Variants in ADAMTS12 observed in about 807,000 individuals in gnomAD.
ADAMTS12 encodes A disintegrin and metalloproteinase with thrombospondin motifs 12.
ADAMTS12 carries 118 observed loss-of-function variants against 167.8 expected under a neutral mutation model. That is an observed-to-expected ratio of 0.70 (90% CI 0.61 to 0.82). ADAMTS12 has a LOEUF of 0.82. ADAMTS12 is among the 40% of genes least tolerant of loss of function. The pLI, the probability that ADAMTS12 is intolerant of heterozygous loss-of-function variation, is 0.00. For synonymous variants in ADAMTS12, 704 were observed against 716.9 expected (o/e 0.98, Z 0.29); for missense variants, 1,916 against 1,998.8 (o/e 0.96, Z 0.79).
At chr5:33,654,701 C>G (rs143948680) in intron 7 of ADAMTS12, among the ~76,000 whole-genome samples, 83 of 152,276 alleles carry the variant, frequency 5.5e-4, no homozygotes, top group African/African-American at 1.9e-3. Flanking sequence ...CACACAGATG[C>G]AAGTCTAGGC....
chr5:33,834,738 G>A (rs1748441153), intron 2 of ADAMTS12, among the ~76,000 whole-genome samples: 1 of 152,220 alleles, frequency 6.6e-6, no homozygotes, highest in Non-Finnish European at 1.5e-5. Flanking sequence ...GATGTCCCTA[G>A]TTTCCTGGAG....
At chr5:33,612,641 G>T (rs1365940688) in intron 16 of ADAMTS12, among the ~76,000 whole-genome samples, 11 of 152,160 alleles carry the variant, frequency 7.2e-5, no homozygotes, top group Admixed American at 7.2e-4. Context: ...TAGTCACAAT[G>T]ACTTCATTTT....
At position 33,745,141 on chromosome 5, in the gene ADAMTS12, A is replaced by T. The variant is rs191648230; in HGVS notation, c.634+6263T>A. On this transcript the variant is annotated intron_variant, in intron 3 of 23. Transcript: ENST00000504830. ...ATCTTTGGGGGTTTTCTTTAGAGTG[A>T]ATCTCACTTTCTCATCAGAACTTCT... Among the ~76,000 whole-genome samples the T allele has an allele frequency of 3.6e-4, 55 of 152,226 alleles. 1 individual carries two copies. In the Middle Eastern group the frequency reaches 0.02, roughly 56 times the overall value.
intron 3 of ADAMTS12, among the ~76,000 whole-genome samples, chr5:33,693,831 G>C (rs1014519508): frequency 9.2e-5 from 14 of 151,982 alleles, no homozygotes; most frequent in African/African-American, 3.4e-4. Context: ...AATCAGGCAA[G>C]AAAAAGAAAT....
chr5:33,709,600 C>A (rs13169978), intron 3 of ADAMTS12, among the ~76,000 whole-genome samples: 14 of 151,696 alleles, frequency 9.2e-5, no homozygotes, highest in Non-Finnish European at 1.6e-4. Flanking sequence ...CAAACTAAAG[C>A]AGGAACAGAA....
At chr5:33,584,077 T>C (rs1163594534) in intron 18 of ADAMTS12, among the ~76,000 whole-genome samples, 2 of 152,206 alleles carry the variant, frequency 1.3e-5, no homozygotes, top group Non-Finnish European at 2.9e-5. Context: ...CTGTGCTGCC[T>C]GCGTTCAAAT....
At chr5:33,578,198 C>G (rs1444271555) in intron 18 of ADAMTS12, among the ~76,000 whole-genome samples, 1 of 152,128 alleles carries the variant, frequency 6.6e-6, no homozygotes, top group Admixed American at 6.5e-5. Context: ...TATCCCTGAC[C>G]TCAAAGCACA....
intron 13 of ADAMTS12, among the ~76,000 whole-genome samples, chr5:33,629,367 T>C: frequency 7.7e-6 from 1 of 129,854 alleles, no homozygotes; most frequent in South Asian, 2.4e-4. Context: ...AAACATATTA[T>C]AAATATTTTT....
At chr5:33,644,665 C>T (rs1740593331) in intron 9 of ADAMTS12, among the ~76,000 whole-genome samples, 1 of 151,904 alleles carries the variant, frequency 6.6e-6, no homozygotes, top group African/African-American at 2.4e-5. Context: ...AGGGCTTCAG[C>T]TCACTTAGCT....
chr5:33,848,744 C>T (rs1749044768), intron 2 of ADAMTS12, among the ~76,000 whole-genome samples: 1 of 152,054 alleles, frequency 6.6e-6, no homozygotes, highest in South Asian at 2.1e-4. Context: ...TGTCTATCAC[C>T]TAGGGTGATT....
At chr5:33,556,099 T>C (rs1745478688) in intron 20 of ADAMTS12, among the ~76,000 whole-genome samples, 1 of 152,150 alleles carries the variant, frequency 6.6e-6, no homozygotes, top group African/African-American at 2.4e-5. Flanking sequence ...ATGAACAGAG[T>C]TCATTGCACA....
At chr5:33,626,009 C>G (rs1739570051) in intron 13 of ADAMTS12, among the ~76,000 whole-genome samples, 1 of 152,196 alleles carries the variant, frequency 6.6e-6, no homozygotes, top group South Asian at 2.1e-4. Context: ...GAGGTGGTTC[C>G]ACTGCTGCTA....
At chr5:33,618,397 T>G (rs555161701) in intron 14 of ADAMTS12, among the ~76,000 whole-genome samples, 5 of 152,320 alleles carry the variant, frequency 3.3e-5, no homozygotes, top group Admixed American at 1.3e-4. Flanking sequence ...CTGTCTGACA[T>G]TTTGCTTTTT....
At chr5:33,567,698 C>A (rs989065816) in intron 19 of ADAMTS12, among the ~76,000 whole-genome samples, 3 of 152,092 alleles carry the variant, frequency 2.0e-5, no homozygotes, top group Non-Finnish European at 4.4e-5. Context: ...ACAATTTGCC[C>A]AGGTGAACTC....
chr5:33,849,295 AATAT>A (rs1158105713), intron 2 of ADAMTS12, among the ~76,000 whole-genome samples: 1 of 107,768 alleles, frequency 9.3e-6, no homozygotes, highest in Non-Finnish European at 1.8e-5. Flanking sequence ...ATTGCATAGC[AATAT>A]ATATATATGT....
intron 2 of ADAMTS12, among the ~76,000 whole-genome samples, chr5:33,861,209 A>T (rs1749603434): frequency 6.6e-6 from 1 of 152,250 alleles, no homozygotes; most frequent in Admixed American, 6.5e-5. Flanking sequence ...AGTGGGCTAA[A>T]TGCCACAATT....
intron 3 of ADAMTS12, among the ~76,000 whole-genome samples, chr5:33,692,560 T>C (rs10941081): frequency 0.35 from 53,164 of 152,158 alleles, 10,935 homozygotes; most frequent in Non-Finnish European, 0.47. Context: ...ATCAATCTTA[T>C]GTGGTATTTT....
chr5:33,613,261 C>A (rs1738821836), intron 16 of ADAMTS12, among the ~76,000 whole-genome samples: 1 of 152,186 alleles, frequency 6.6e-6, no homozygotes. Flanking sequence ...GAGGTAGAGG[C>A]TTTTGCATAT....
intron 12 of ADAMTS12, among the ~76,000 whole-genome samples, chr5:33,635,688 G>A (rs185844566): frequency 1.2e-4 from 18 of 152,244 alleles, no homozygotes; most frequent in African/African-American, 4.3e-4. Context: ...TAAGGCCCTC[G>A]ATATCTGGCA....
Sources: gnomAD v4.1 joint callset for allele counts (sites outside exome capture counted in the v4.1 genomes callset) on GRCh38, gnomAD v4.1.1 for gene constraint, MANE v1.5 for transcripts, NCBI Gene and HGNC (gene_info 2026-07-23, HGNC 2026-07-21) for gene names.